The following CERS3 variants were observed in gnomAD, a reference collection of about 807,000 sequenced individuals.
The protein encoded by CERS3 is LAG1 homolog, ceramide synthase 3.
CERS3 carries 33 observed loss-of-function variants against 50.3 expected under a neutral mutation model. That is an observed-to-expected ratio of 0.66 (90% CI 0.50 to 0.88). CERS3 has a LOEUF of 0.88. Ranked by LOEUF, CERS3 falls within the 40% of genes least tolerant of loss-of-function variation. The probability of loss-of-function intolerance (pLI) is 0.00; values close to 1 mark genes in which losing one functional copy is unlikely to be tolerated. For synonymous variants in CERS3, 176 were observed against 155.2 expected (o/e 1.13, Z -0.99); for missense variants, 470 against 460.3 (o/e 1.02, Z -0.19).
At chr15:100,411,795 A>G (rs2031512472) in intron 11 of CERS3, among the ~76,000 whole-genome samples, 2 of 152,138 alleles carry the variant, frequency 1.3e-5, no homozygotes, top group Non-Finnish European at 2.9e-5. Context: ...TTTTAATAGT[A>G]ACCCTCCTAA....
intron 7 of CERS3, among the ~76,000 whole-genome samples, chr15:100,477,331 A>G (rs1048130016): frequency 6.6e-6 from 1 of 152,340 alleles, no homozygotes; most frequent in South Asian, 2.1e-4. Flanking sequence ...AGGCTAACGT[A>G]TAACGAATTT....
rs35370636 is a variant in CERS3, at chr15:100,491,893, C to CT, written c.174-963dup. On this transcript the variant is annotated intron_variant, in intron 3 of 11. Coordinates refer to ENST00000679737, the MANE Select transcript of CERS3 (RefSeq NM_001378789.1). The stretch of plus-strand genomic sequence containing the variant: ...CTTGATTTCTTTCTGTTATTGATTT[C>CT]TTTTTTTTTTTTTAAGAGATGAGGG... Among the ~76,000 whole-genome samples the CT allele has an allele frequency of 2.2e-4, 32 of 146,426 alleles. No individual in the cohort carries two copies. In the South Asian group the frequency reaches 2.8e-3, roughly 13 times the overall value.
chr15:100,480,626 A>C (rs983231037), intron 5 of CERS3, among the ~76,000 whole-genome samples: 1 of 152,232 alleles, frequency 6.6e-6, no homozygotes, highest in African/African-American at 2.4e-5. Flanking sequence ...TTAGATCCTG[A>C]TTCAAATCAA....
At chr15:100,436,020 G>A (rs1263039608) in intron 11 of CERS3, among the ~76,000 whole-genome samples, 1 of 152,204 alleles carries the variant, frequency 6.6e-6, no homozygotes, top group African/African-American at 2.4e-5. Context: ...TACACTGTTG[G>A]TGGGAGTGTA....
intron 11 of CERS3, among the ~76,000 whole-genome samples, chr15:100,420,821 G>A (rs577151658): frequency 0.013 from 1,995 of 151,932 alleles, 36 homozygotes; most frequent in Admixed American, 0.049. Flanking sequence ...AACAGAACCA[G>A]AGACAAAAAC....
intron 11 of CERS3, among the ~76,000 whole-genome samples, chr15:100,438,143 C>T (rs1458084669): frequency 2.1e-5 from 3 of 143,838 alleles, no homozygotes; most frequent in Admixed American, 7.5e-5. Context: ...CTCTCTGGTT[C>T]AAGCAATTCT....
intron 5 of CERS3, among the ~76,000 whole-genome samples, chr15:100,483,945 T>G (rs986655299): frequency 6.6e-6 from 1 of 151,262 alleles, no homozygotes; most frequent in Non-Finnish European, 1.5e-5. Flanking sequence ...CACGCCCAGC[T>G]AATTTTTTGT....
chr15:100,529,368 T>C (rs935802190), upstream of CERS3: 3 of 152,208 alleles, frequency 2.0e-5, no homozygotes, highest in Non-Finnish European at 4.4e-5. Context: ...CTAAGGAGCA[T>C]TGGTCCACAG....
intron 11 of CERS3, among the ~76,000 whole-genome samples, chr15:100,446,364 G>GATT: frequency 7.8e-6 from 1 of 128,560 alleles, no homozygotes; most frequent in East Asian, 2.2e-4. Context: ...AACTTCTCAG[G>GATT]TTTTTTTTTT....
intron 11 of CERS3, among the ~76,000 whole-genome samples, chr15:100,405,246 A>C (rs1418888643): frequency 0.016 from 625 of 39,488 alleles, 4 homozygotes; most frequent in African/African-American, 0.036. Flanking sequence ...AAAAAAAAAA[A>C]AACAAAAAAA....
At chr15:100,411,548 T>C (rs2031493212) in intron 11 of CERS3, among the ~76,000 whole-genome samples, 1 of 152,204 alleles carries the variant, frequency 6.6e-6, no homozygotes, top group African/African-American at 2.4e-5. Context: ...CAATGGTCGC[T>C]GGATTGCTTC....
At chr15:100,531,504 C>T (rs1281448347), upstream of CERS3, among the ~76,000 whole-genome samples, 1 of 151,806 alleles carries the variant, frequency 6.6e-6, no homozygotes, top group Non-Finnish European at 1.5e-5. Flanking sequence ...CTCCACAGCT[C>T]CTCTGAGGAA....
chr15:100,499,902 C>G lies in CERS3; in HGVS notation c.173+1775G>C, dbSNP rs138701633. ...AACCTGAGCTCATGGGTTCGAGTCC[C>G]AGATCCATCCCCTTACATGTTAACT... On this transcript the variant is annotated intron_variant, in intron 3 of 11. Transcript: ENST00000679737. Among the ~76,000 whole-genome samples the G allele has an allele frequency of 5.7e-4, 87 of 152,276 alleles. 1 individual carries two copies. The highest frequency in any genetic ancestry group is 2.0e-3 in the African/African-American group (84 of 41,556).
chr15:100,442,607 G>A lies in CERS3; in HGVS notation c.999+13286C>T, dbSNP rs987790068. Among the ~76,000 whole-genome samples, 46 of 152,234 alleles carry A rather than the reference G, an allele frequency of 3.0e-4. No homozygotes were observed. The East Asian group carries it at 3.5e-3, about 12-fold the overall frequency. On this transcript the variant is annotated intron_variant, in intron 11 of 11. Coordinates refer to ENST00000679737, the MANE Select transcript of CERS3 (RefSeq NM_001378789.1). The stretch of plus-strand genomic sequence containing the variant: ...CCAGGCCAAGGAATGCTCGCAGCCT[G>A]GGATTCCTCCTAAGCCGTGTCCTGT...
At chr15:100,486,022 G>A (rs932643731) in intron 4 of CERS3, among the ~76,000 whole-genome samples, 9 of 152,218 alleles carry the variant, frequency 5.9e-5, no homozygotes, top group African/African-American at 2.2e-4. Context: ...CACACATCAT[G>A]TCCCAAAAGG....
chr15:100,406,571 C>T (rs952232329), intron 11 of CERS3, among the ~76,000 whole-genome samples: 1 of 152,112 alleles, frequency 6.6e-6, no homozygotes, highest in African/African-American at 2.4e-5. Flanking sequence ...AATGAACAAG[C>T]CTCCTTGTAA....
At chr15:100,537,665 C>T (rs1394421851) in intron 1 of CERS3, among the ~76,000 whole-genome samples, 1 of 152,174 alleles carries the variant, frequency 6.6e-6, no homozygotes, top group Non-Finnish European at 1.5e-5. Flanking sequence ...TCAATTACTT[C>T]CATCTGGTCT....
chr15:100,432,170 C>G (rs2033170231), intron 11 of CERS3, among the ~76,000 whole-genome samples: 1 of 152,024 alleles, frequency 6.6e-6, no homozygotes, highest in Admixed American at 6.6e-5. Flanking sequence ...TGAGCTCAAG[C>G]AAACCTCCTG....
intron 11 of CERS3, among the ~76,000 whole-genome samples, chr15:100,450,913 A>AG (rs919684451): frequency 3.3e-5 from 5 of 151,966 alleles, no homozygotes; most frequent in South Asian, 4.2e-4. Flanking sequence ...AAAGTGGGGG[A>AG]GGGGGGGAAC....
Sources: allele counts gnomAD v4.1 joint callset (sites outside exome capture counted in the v4.1 genomes callset), GRCh38; gene constraint gnomAD v4.1.1; transcripts MANE v1.5; gene names NCBI Gene and HGNC (gene_info 2026-07-23, HGNC 2026-07-21).